TMEM17: variants seen among roughly 807,000 people sequenced by gnomAD.
TMEM17 encodes the protein transmembrane protein 17.
TMEM17 carries 15 observed loss-of-function variants against 19.1 expected under a neutral mutation model. The ratio of observed to expected loss-of-function variants is 0.78; its 90% CI spans 0.52 to 1.21. The LOEUF (loss-of-function observed/expected upper bound fraction) is 1.21. Among genes scored for constraint, TMEM17 ranks in the 50% most tolerant of loss-of-function variants. The pLI is 0.00. For missense variants in TMEM17, 245 were observed against 242.3 expected, an observed-to-expected ratio of 1.01 and a Z score of -0.07; for synonymous variants, 103 against 86.9, an observed-to-expected ratio of 1.19 and a Z score of -1.03.
intron 1 of TMEM17, among the ~76,000 whole-genome samples, chr2:62,505,712 T>C (rs1325623718): frequency 2.0e-5 from 3 of 152,174 alleles, no homozygotes; most frequent in African/African-American, 4.8e-5. Context: ...GCGGCTTTTA[T>C]CTTTTTATTT....
At chr2:62,487,370 C>T in the TMEM17 span, among the ~76,000 whole-genome samples, 1 of 152,144 alleles carries the variant, frequency 6.6e-6, no homozygotes, top group African/African-American at 2.4e-5. Context: ...GTGATTGCAT[C>T]GGATAATCCA....
At chr2:62,469,638 A>G in the TMEM17 span, among the ~76,000 whole-genome samples, 2 of 152,234 alleles carry the variant, frequency 1.3e-5, no homozygotes, top group Non-Finnish European at 2.9e-5. Context: ...TTGGGAGGCA[A>G]ACAGCAGTTT....
chr2:62,480,019 A>G, the TMEM17 span, among the ~76,000 whole-genome samples: 1 of 151,746 alleles, frequency 6.6e-6, no homozygotes, highest in African/African-American at 2.4e-5. Flanking sequence ...TTATTAGTTT[A>G]CCCACTGACA....
chr2:62,475,764 T>C, the TMEM17 span, among the ~76,000 whole-genome samples: 1 of 152,252 alleles, frequency 6.6e-6, no homozygotes, highest in Non-Finnish European at 1.5e-5. Flanking sequence ...TGGCTGGTTT[T>C]GTCTGTTTTT....
At chr2:62,499,001 G>T (rs541378016), downstream of TMEM17, among the ~76,000 whole-genome samples, 4 of 152,128 alleles carry the variant, frequency 2.6e-5, no homozygotes, top group South Asian at 2.1e-4. Flanking sequence ...GAAAATATTG[G>T]TTCAGCCTAA....
At chr2:62,503,606 T>TA (rs1414821104) in intron 1 of TMEM17, among the ~76,000 whole-genome samples, 1 of 152,266 alleles carries the variant, frequency 6.6e-6, no homozygotes, top group African/African-American at 2.4e-5. Flanking sequence ...TTGTGAGAAT[T>TA]AGAGCCAATA....
chr2:62,505,963 G>T, intron 1 of TMEM17, 67 bp downstream of exon 1: 1 of 1,437,814 alleles, frequency 7.0e-7, no homozygotes, highest in Non-Finnish European at 9.5e-7. Context: ...GCAAATTCTG[G>T]ACGCTCCAAA....
the TMEM17 span, among the ~76,000 whole-genome samples, chr2:62,484,266 T>A: frequency 1.3e-5 from 2 of 152,222 alleles, no homozygotes; most frequent in Non-Finnish European, 2.9e-5. Flanking sequence ...TTCCAGGGGT[T>A]AGGGGATGTT....
the TMEM17 span, among the ~76,000 whole-genome samples, chr2:62,462,610 T>G: frequency 4.1e-3 from 631 of 152,276 alleles, 4 homozygotes; most frequent in African/African-American, 0.015. Context: ...ACAGAAACAC[T>G]GGTAATCAGG....
the TMEM17 span, among the ~76,000 whole-genome samples, chr2:62,465,863 G>A: frequency 1.3e-5 from 2 of 152,172 alleles, no homozygotes; most frequent in Non-Finnish European, 2.9e-5. Flanking sequence ...GTTTAGGTGG[G>A]TAGGGGGCGT....
chr2:62,463,686 G>A, the TMEM17 span, among the ~76,000 whole-genome samples: 20 of 152,126 alleles, frequency 1.3e-4, no homozygotes, highest in African/African-American at 3.9e-4. Flanking sequence ...AGAAAAGAGC[G>A]GGTCCCAGCG....
chr2:62,488,930 CT>C, the TMEM17 span, among the ~76,000 whole-genome samples: 1 of 151,022 alleles, frequency 6.6e-6, no homozygotes, highest in Non-Finnish European at 1.5e-5. Context: ...ACTTGATTGA[CT>C]TTTAGTCAAT....
intron 1 of TMEM17, among the ~76,000 whole-genome samples, chr2:62,505,756 G>A (rs781327320): frequency 2.6e-5 from 4 of 152,098 alleles, no homozygotes; most frequent in Non-Finnish European, 5.9e-5. Context: ...TGGGCCTTGC[G>A]CGGCACAGAG....
the TMEM17 span, among the ~76,000 whole-genome samples, chr2:62,478,018 T>C: frequency 6.6e-6 from 1 of 152,154 alleles, no homozygotes; most frequent in African/African-American, 2.4e-5. Context: ...CCATTAAACC[T>C]CCCAATCTTT....
downstream of TMEM17, among the ~76,000 whole-genome samples, chr2:62,496,967 A>C (rs4428007): frequency 0.7 from 106,676 of 152,030 alleles, 37,891 homozygotes; most frequent in South Asian, 0.79. Flanking sequence ...AAGACAACAA[A>C]AAAATAATAA....
chr2:62,476,594 T>G, the TMEM17 span, among the ~76,000 whole-genome samples: 2 of 152,178 alleles, frequency 1.3e-5, no homozygotes, highest in African/African-American at 4.8e-5. Flanking sequence ...TGCACCATCA[T>G]AAATCAGGGA....
downstream of TMEM17, among the ~76,000 whole-genome samples, chr2:62,495,606 A>G (rs761409566): frequency 5.9e-5 from 9 of 152,222 alleles, no homozygotes; most frequent in Admixed American, 5.9e-4. Context: ...CATCTTTTCT[A>G]TGACCAAAAT....
the TMEM17 span, among the ~76,000 whole-genome samples, chr2:62,468,951 A>C: frequency 6.6e-6 from 1 of 152,220 alleles, no homozygotes; most frequent in Non-Finnish European, 1.5e-5. Context: ...AATGCAGACC[A>C]TGGGGTCAAT....
chr2:62,488,191 G>A, the TMEM17 span, among the ~76,000 whole-genome samples: 6 of 152,192 alleles, frequency 3.9e-5, no homozygotes, highest in East Asian at 3.9e-4. Context: ...TTTGGAATTC[G>A]TCTCGAGCTT....
Sources: gnomAD v4.1 joint callset for allele counts (sites outside exome capture counted in the v4.1 genomes callset) on GRCh38, gnomAD v4.1.1 for gene constraint, MANE v1.5 for transcripts, NCBI Gene and HGNC (gene_info 2026-07-23, HGNC 2026-07-21) for gene names.